CELF3: variants seen among roughly 807,000 people sequenced by gnomAD.
The protein encoded by CELF3 is CAG repeat domain.
Under a neutral mutation model 59.6 loss-of-function variants are expected in CELF3, and 26 were observed. That is an observed-to-expected ratio of 0.44 (90% CI 0.32 to 0.61). CELF3 has a LOEUF of 0.61. Ranked by LOEUF, CELF3 falls within the 20% of genes least tolerant of loss-of-function variation. CELF3 has a pLI of 0.06. For missense variants in CELF3, 387 were observed against 627.2 expected (o/e 0.62, Z 4.09); for synonymous variants, 245 against 250.7 (o/e 0.98, Z 0.22).
chr1:151,703,049 A>G lies in CELF3; in HGVS notation c.*410T>C. ...TGGGGAAGAGGCTGGGGTGAGGGTGAGCTGGGAGTGTGTGGCAGGCCCCTG... is the reference window on the plus strand; with the variant it reads ...TGGGGAAGAGGCTGGGGTGAGGGTGGGCTGGGAGTGTGTGGCAGGCCCCTG... On this transcript the variant is annotated 3_prime_UTR_variant, in exon 13 of 13. Transcript: ENST00000290583. 1 of 400,534 alleles carries G rather than the reference A, an allele frequency of 2.5e-6. No individual in the cohort carries two copies. Among genetic ancestry groups the G allele is most frequent in the South Asian group, 1.8e-5 (1 of 56,370 alleles). 24.8% of individuals were successfully genotyped at this position (400,534 alleles called of 1,614,324 possible).
At chr1:151,708,976 G>C (rs775342216) in intron 5 of CELF3, 22 bp downstream of exon 5, 23 of 1,610,306 alleles carry the variant, frequency 1.4e-5, no homozygotes, top group Non-Finnish European at 1.9e-5. Context: ...GAGAGGCCCG[G>C]GGGCAGGGGA....
At chr1:151,714,740 A>G (rs1673324483) in intron 1 of CELF3, 64 bp from the exon 2 acceptor site, 1 of 1,180,342 alleles carries the variant, frequency 8.5e-7, no homozygotes, top group Non-Finnish European at 1.2e-6. Flanking sequence ...CCTCTCTGAA[A>G]GGCTCCCTTC....
chr1:151,708,202 T>G, intron 5 of CELF3: 1 of 422,140 alleles, frequency 2.4e-6, no homozygotes, highest in South Asian at 4.2e-5. Flanking sequence ...AGGGCATCAT[T>G]GGCTACTCTG....
chr1:151,707,117 G>A (rs755704178), intron 8 of CELF3, 28 bp downstream of exon 8: 1 of 1,456,976 alleles, frequency 6.9e-7, no homozygotes, highest in Non-Finnish European at 9.0e-7. Flanking sequence ...TGGTTGCTGG[G>A]ACGGAGTGGG....
chr1:151,707,015 G>A (rs192471806), intron 8 of CELF3, 130 bp downstream of exon 8: 48 of 1,141,264 alleles, frequency 4.2e-5, no homozygotes, highest in Middle Eastern at 4.5e-4. Context: ...GATCATCCCC[G>A]CCCAGGATGG....
Position 151,705,287 on chromosome 1 carries a change from A to G in CELF3, c.1271-119T>C. The G allele has an allele frequency of 9.0e-7, 1 of 1,116,784 alleles. No individual in the cohort carries two copies. The highest frequency in any genetic ancestry group is 1.3e-6 in the Non-Finnish European group (1 of 787,086). The allele number at this position is 1,116,784 out of a possible 1,614,324, so 69.2% of individuals were successfully genotyped here. A position where few individuals can be genotyped will look rare whatever the true frequency, so the allele number is the denominator to read the frequency against. On this transcript the variant is annotated intron_variant, in intron 11 of 12. Coordinates refer to ENST00000290583, the MANE Select transcript of CELF3 (RefSeq NM_007185.7). The surrounding 1 kb of genome is among the most constrained non-coding windows in gnomAD (Gnocchi z 5.1). ...CCAAATGCCTAGAAAGCTGCCTGCC[A>G]CATAGCAGCATTCCTTAGGAATTTG... is the stretch of plus-strand genomic sequence containing the variant.
rs1672062824 is a variant in CELF3 at position 151,701,310 on chromosome 1, T to TC, written c.*2148_*2149insG. Among the ~76,000 whole-genome samples the TC allele has an allele frequency of 6.6e-6, 1 of 152,106 alleles. No homozygotes were observed. The highest frequency in any genetic ancestry group is 2.4e-5 in the African/African-American group (1 of 41,406). ...GGTGGGGTAGCAGCCTAGAAGCACA[T>TC]GTTCTATGAAGTCAAAGAAGACACC... On this transcript the variant is annotated 3_prime_UTR_variant, in exon 13 of 13. Transcript: ENST00000290583.
chr1:151,704,773 T>TACGTGGACACATAC (rs1558096550), intron 12 of CELF3, among the ~76,000 whole-genome samples: 1 of 151,722 alleles, frequency 6.6e-6, no homozygotes, highest in East Asian at 1.9e-4. Flanking sequence ...TGGACACATA[T>TACGTGGACACATAC]ATACAAAGAC....
In CELF3 at chr1:151,702,515, C is replaced by T. The variant is rs2102764270; in HGVS notation, c.*944G>A. 1 of 151,770 alleles carries T rather than the reference C, an allele frequency of 6.6e-6. No individual in the cohort carries two copies. The highest frequency in any genetic ancestry group is 2.1e-4 in the South Asian group (1 of 4,798). The allele number at this position is 151,770 out of a possible 1,614,324, so 9.4% of individuals were successfully genotyped here. A position where few individuals can be genotyped will look rare whatever the true frequency, so the allele number is the denominator to read the frequency against. The stretch of plus-strand genomic sequence containing the variant: ...AACTGTCTGAAACTGACTCCCCGGT[C>T]TCCCCTTACCACCCCCACCCCCACC... On this transcript the variant is annotated 3_prime_UTR_variant, in exon 13 of 13. Transcript: ENST00000290583.
chr1:151,705,889 G>A lies in CELF3; in HGVS notation c.1203C>T (p.Val401=). The A allele has an allele frequency of 6.2e-7, 1 of 1,614,172 alleles. No individual in the cohort carries two copies. Among genetic ancestry groups the A allele is most frequent in the Non-Finnish European group, 8.5e-7 (1 of 1,180,000 alleles). ...FTDSEILQMF[V]PFGHVISAKV... ...TGGCTGAGATGACGTGGCCAAAGGG[G>A]ACAAACATCTGGAGGATCTCTGAGT... The change falls in exon 11 of 13, where the codon GTC becomes GTT. Residue 401 remains valine (V), a synonymous_variant. Coordinates refer to ENST00000290583, the MANE Select transcript of CELF3 (RefSeq NM_007185.7). The surrounding 1 kb of genome is among the most constrained non-coding windows in gnomAD (Gnocchi z 5.1).
chr1:151,707,479 C>T (rs551066480), intron 7 of CELF3, 28 bp downstream of exon 7: 3 of 1,609,420 alleles, frequency 1.9e-6, no homozygotes, highest in African/African-American at 2.7e-5. Flanking sequence ...ATGCTTAGCT[C>T]CCTTGCCCGG....
Position 151,701,275 on chromosome 1 carries a change from G to A in CELF3, c.*2184C>T, listed in dbSNP as rs996823226. 1 of 152,174 alleles carries A rather than the reference G, an allele frequency of 6.6e-6. No individual in the cohort carries two copies. Among genetic ancestry groups the A allele is most frequent in the Non-Finnish European group, 1.5e-5 (1 of 68,054 alleles). 9.4% of individuals were successfully genotyped at this position (152,174 alleles called of 1,614,324 possible). On this transcript the variant is annotated 3_prime_UTR_variant, in exon 13 of 13. Transcript: ENST00000290583. Reference sequence around the variant, plus strand: ...CCTAGTGGTGCTGCTTACTAATGATGAAGACAGAGGGTGGGGTAGCAGCCT... The same window carrying A: ...CCTAGTGGTGCTGCTTACTAATGATAAAGACAGAGGGTGGGGTAGCAGCCT...
chr1:151,705,297 A>G lies in CELF3; in HGVS notation c.1271-129T>C. ...AGAAAGCTGCCTGCCACATAGCAGCATTCCTTAGGAATTTGTTGATTGATG... is the reference window on the plus strand; with the variant it reads ...AGAAAGCTGCCTGCCACATAGCAGCGTTCCTTAGGAATTTGTTGATTGATG... On this transcript the variant is annotated intron_variant, in intron 11 of 12. Transcript: ENST00000290583. The surrounding 1 kb of genome is among the most constrained non-coding windows in gnomAD (Gnocchi z 5.1). 9.9e-7 allele frequency: 1 copy of G among 1,011,352 alleles called. No homozygotes were observed. 62.6% of individuals were successfully genotyped at this position (1,011,352 alleles called of 1,614,324 possible).
chr1:151,712,382 G>A (rs1673098134), intron 2 of CELF3, among the ~76,000 whole-genome samples: 1 of 152,198 alleles, frequency 6.6e-6, no homozygotes, highest in Admixed American at 6.5e-5. Context: ...ATTCTTTTGA[G>A]GGTACAGCCT....
At chr1:151,708,336 T>C (rs1406922477) in intron 5 of CELF3, 1 of 211,088 alleles carries the variant, frequency 4.7e-6, no homozygotes, top group South Asian at 1.1e-4. Context: ...CACACCCCAG[T>C]CCTCATGGTG....
rs1404485256 is a variant in CELF3 at position 151,701,403 on chromosome 1, C to T, written c.*2056G>A. ...ATCTAGGAAGTGGAGGGACTTAGGG[C>T]TTATGCAGTCCACCCTCTACCTGAA... On this transcript the variant is annotated 3_prime_UTR_variant, in exon 13 of 13. Coordinates refer to ENST00000290583, the MANE Select transcript of CELF3 (RefSeq NM_007185.7). 6.6e-6 allele frequency among the ~76,000 whole-genome samples: 1 copy of T among 152,124 alleles called. No homozygotes were observed. Among genetic ancestry groups the T allele is most frequent in the East Asian group, 1.9e-4 (1 of 5,186 alleles).
Position 151,715,873 on chromosome 1 carries a change from C to T in CELF3, c.145+3G>A. ...AGCCTCTTCAGCCTGCCCGACCCCT[C>T]ACCCTTGTGCAGCCCGGTGTACTTG... is the stretch of plus-strand genomic sequence containing the variant. On this transcript the variant is annotated splice_donor_region_variant and intron_variant, in intron 1 of 12. Coordinates refer to ENST00000290583, the MANE Select transcript of CELF3 (RefSeq NM_007185.7). The T allele has an allele frequency of 1.9e-6, 3 of 1,611,624 alleles. No individual in the cohort carries two copies.
At chr1:151,715,445 T>C (rs1673395933) in intron 1 of CELF3, among the ~76,000 whole-genome samples, 1 of 152,048 alleles carries the variant, frequency 6.6e-6, no homozygotes, top group African/African-American at 2.4e-5. Context: ...CTTTCCACAT[T>C]GAACACCTGA....
chr1:151,703,194 C>T lies in CELF3; in HGVS notation c.*265G>A, dbSNP rs373299720. 1.1e-5 allele frequency: 5 copies of T among 458,994 alleles called. No homozygotes were observed. The highest frequency in any genetic ancestry group is 2.0e-5 in the African/African-American group (1 of 50,132). The allele number at this position is 458,994 out of a possible 1,614,324, so 28.4% of individuals were successfully genotyped here. On this transcript the variant is annotated 3_prime_UTR_variant, in exon 13 of 13. Transcript: ENST00000290583. ...CAGAAGGCAGATACCCCGGAGCCTT[C>T]GAGCCTGTTCCTCGCTCCCTCACAA...
Sources: allele counts gnomAD v4.1 joint callset (sites outside exome capture counted in the v4.1 genomes callset), GRCh38; gene constraint gnomAD v4.1.1; non-coding constraint Gnocchi (gnomAD v3.1); transcripts MANE v1.5; gene names NCBI Gene and HGNC (gene_info 2026-07-23, HGNC 2026-07-21).